SNX29: variants seen among roughly 807,000 people sequenced by gnomAD.
SNX29 encodes the protein sorting nexin 29, also known as sorting nexin-29.
SNX29 carries 78 observed loss-of-function variants against 102.1 expected under a neutral mutation model. That is an observed-to-expected ratio of 0.76 (90% CI 0.64 to 0.92). The LOEUF (loss-of-function observed/expected upper bound fraction) is 0.92, where lower values mean the gene tolerates loss of function less well. Ranked by LOEUF, SNX29 falls within the 40% of genes least tolerant of loss-of-function variation. The pLI is 0.00. For missense variants in SNX29, 1,280 were observed against 1,061.7 expected, an observed-to-expected ratio of 1.21 and a Z score of -2.86; for synonymous variants, 580 against 414.5, an observed-to-expected ratio of 1.40 and a Z score of -4.85.
intron 11 of SNX29, among the ~76,000 whole-genome samples, chr16:12,122,905 C>A (rs1383209566): frequency 6.6e-6 from 1 of 152,136 alleles, no homozygotes; most frequent in Non-Finnish European, 1.5e-5. Context: ...CGGCTCACTG[C>A]AATCTCTGCC....
chr16:12,537,531 T>C (rs1257852935), intron 20 of SNX29, among the ~76,000 whole-genome samples: 1 of 152,184 alleles, frequency 6.6e-6, no homozygotes, highest in Non-Finnish European at 1.5e-5. Context: ...TTAAAGGAAA[T>C]ATTACCTACT....
At chr16:12,388,113 G>C (rs1010627015) in intron 16 of SNX29, among the ~76,000 whole-genome samples, 3 of 152,204 alleles carry the variant, frequency 2.0e-5, no homozygotes, top group African/African-American at 7.2e-5. Context: ...CCTTTTGCAC[G>C]TGCCGAGCTT....
At chr16:12,561,401 C>G (rs138072286) in intron 20 of SNX29, among the ~76,000 whole-genome samples, 2,138 of 152,242 alleles carry the variant, frequency 0.014, 60 homozygotes, top group Admixed American at 0.062. Context: ...CCCCGCCACA[C>G]ACACAGATCA....
At chr16:12,080,909 C>G (rs550572939) in intron 11 of SNX29, among the ~76,000 whole-genome samples, 60 of 150,294 alleles carry the variant, frequency 4.0e-4, no homozygotes, top group African/African-American at 1.5e-3. Context: ...GTCTTGAACT[C>G]CTGACCTCAT....
At chr16:12,180,085 A>G (rs967180852) in intron 13 of SNX29, among the ~76,000 whole-genome samples, 25 of 151,906 alleles carry the variant, frequency 1.6e-4, no homozygotes, top group Non-Finnish European at 3.4e-4. Context: ...TTTCTTCTCC[A>G]GGGGCTTCTG....
At chr16:12,177,427 C>T (rs879840828) in intron 13 of SNX29, among the ~76,000 whole-genome samples, 2 of 152,142 alleles carry the variant, frequency 1.3e-5, no homozygotes, top group South Asian at 4.1e-4. Flanking sequence ...TTTTAATTAT[C>T]GAGATGTGAC....
intron 13 of SNX29, among the ~76,000 whole-genome samples, chr16:12,181,348 T>C (rs1384271165): frequency 6.6e-6 from 1 of 152,212 alleles, no homozygotes; most frequent in African/African-American, 2.4e-5. Flanking sequence ...AATCAACATA[T>C]GCAAGATGAA....
At chr16:12,060,792 C>G (rs990041245) in intron 8 of SNX29, 12 of 456,212 alleles carry the variant, frequency 2.6e-5, no homozygotes, top group Non-Finnish European at 4.4e-5. Context: ...CCCAACCACA[C>G]TGCCTGGCGT....
At chr16:12,317,325 C>T (rs756151741) in intron 15 of SNX29, among the ~76,000 whole-genome samples, 16 of 152,214 alleles carry the variant, frequency 1.1e-4, no homozygotes, top group Non-Finnish European at 1.8e-4. Context: ...CAGGTGGCTC[C>T]CCTCGTCTTC....
chr16:12,451,773 A>C (rs1195073404), intron 18 of SNX29, among the ~76,000 whole-genome samples: 1 of 152,238 alleles, frequency 6.6e-6, no homozygotes. Context: ...CTGAGGCAGC[A>C]GAATCGCTTG....
intron 15 of SNX29, among the ~76,000 whole-genome samples, chr16:12,330,568 C>G (rs2081265480): frequency 6.6e-6 from 1 of 152,202 alleles, no homozygotes; most frequent in Non-Finnish European, 1.5e-5. Flanking sequence ...ACCATTGTCA[C>G]CTTTTTACAG....
intron 14 of SNX29, among the ~76,000 whole-genome samples, chr16:12,253,850 G>A (rs879616233): frequency 1.3e-5 from 2 of 152,136 alleles, no homozygotes; most frequent in Non-Finnish European, 2.9e-5. Flanking sequence ...AGGGGTGGAG[G>A]CAGAGAAGAG....
chr16:12,338,156 G>C (rs530812496), intron 15 of SNX29, among the ~76,000 whole-genome samples: 159 of 152,328 alleles, frequency 1.0e-3, no homozygotes, highest in Non-Finnish European at 2.0e-3. Flanking sequence ...GGAGGTGGGA[G>C]GCGGATCAAT....
At chr16:12,268,865 C>A (rs533260989) in intron 14 of SNX29, among the ~76,000 whole-genome samples, 2 of 152,118 alleles carry the variant, frequency 1.3e-5, no homozygotes, top group Non-Finnish European at 2.9e-5. Flanking sequence ...GACAGAAAAC[C>A]CTATGTGTTC....
At chr16:12,503,191 C>G (rs2089208773) in intron 19 of SNX29, among the ~76,000 whole-genome samples, 1 of 152,272 alleles carries the variant, frequency 6.6e-6, no homozygotes, top group East Asian at 1.9e-4. Flanking sequence ...CTGCTCTGAG[C>G]TGCCTCACTC....
intron 3 of SNX29, among the ~76,000 whole-genome samples, chr16:12,015,589 G>A (rs890149417): frequency 2.0e-5 from 3 of 150,206 alleles, no homozygotes; most frequent in African/African-American, 7.4e-5. Flanking sequence ...AGGCTGGAGT[G>A]CAGTGATGCG....
chr16:12,180,172 T>C lies in SNX29; in HGVS notation c.1596-19429T>C, dbSNP rs375988233. ...ATCTATCCCTTTCTTCATATCCTTT[T>C]CTTTTTCTAAAAAAAACAAACAAAA... On this transcript the variant is annotated intron_variant, in intron 13 of 20. Coordinates refer to ENST00000566228, the MANE Select transcript of SNX29 (RefSeq NM_032167.5). Among the ~76,000 whole-genome samples the C allele has an allele frequency of 3.3e-5, 5 of 151,980 alleles. No individual in the cohort carries two copies. In the East Asian group the frequency reaches 9.6e-4, roughly 29 times the overall value.
At chr16:12,078,667 C>T (rs1375923574) in intron 10 of SNX29, among the ~76,000 whole-genome samples, 166 bp from the exon 11 acceptor site, 1 of 152,172 alleles carries the variant, frequency 6.6e-6, no homozygotes, top group African/African-American at 2.4e-5. Context: ...GATGAATTTC[C>T]AAATACGGAA....
intron 20 of SNX29, chr16:12,546,445 C>G (rs2077610156): frequency 2.0e-5 from 3 of 152,162 alleles, no homozygotes; most frequent in South Asian, 2.1e-4. Flanking sequence ...AGCTAGGAAA[C>G]TCTTCCTTAT....
Sources: allele counts gnomAD v4.1 joint callset (sites outside exome capture counted in the v4.1 genomes callset), GRCh38; gene constraint gnomAD v4.1.1; transcripts MANE v1.5; gene names NCBI Gene and HGNC (gene_info 2026-07-23, HGNC 2026-07-21).